The following MDN1 variants were observed in gnomAD, a reference collection of about 807,000 sequenced individuals.
The protein encoded by MDN1 is midasin AAA ATPase 1, also known as midasin.
Under a neutral mutation model 669.2 loss-of-function variants are expected in MDN1, and 266 were observed. That is an observed-to-expected ratio of 0.40 (90% CI 0.36 to 0.44). MDN1 has a LOEUF of 0.44. MDN1 is among the 20% of genes least tolerant of loss of function. The probability of loss-of-function intolerance (pLI) is 1.00; values close to 1 mark genes in which losing one functional copy is unlikely to be tolerated. For missense variants in MDN1, 5,940 were observed against 6,754.0 expected, an observed-to-expected ratio of 0.88 and a Z score of 4.22; for synonymous variants, 2,385 against 2,457.1, an observed-to-expected ratio of 0.97 and a Z score of 0.87.
At chr6:89,729,173 G>A (rs778303828) in intron 35 of MDN1, 34 bp from the exon 36 acceptor site, 9 of 1,552,178 alleles carry the variant, frequency 5.8e-6, no homozygotes, top group South Asian at 4.6e-5. Context: ...ATGTATAAGC[G>A]GGACATCATC....
chr6:89,790,461 A>G (rs1819200814), intron 5 of MDN1, 60 bp from the exon 6 acceptor site: 1 of 1,606,088 alleles, frequency 6.2e-7, no homozygotes. Flanking sequence ...AACCGAAGTT[A>G]ATTTCCACAG....
chr6:89,648,812 T>TC (rs1808654952), intron 97 of MDN1, among the ~76,000 whole-genome samples: 1 of 30,964 alleles, frequency 3.2e-5, no homozygotes, highest in African/African-American at 1.6e-4. Context: ...AACCCTGTCT[T>TC]CAAAAAAAAA....
chr6:89,690,121 T>G lies in MDN1; in HGVS notation c.10772A>C (p.Gln3591Pro). Residue 3591 changes from glutamine (Q) to proline (P), a missense_variant, in exon 65 of 102, where the codon CAG (glutamine) becomes CCG (proline). Physicochemically the swap from Gln to Pro is moderately conservative, Grantham distance 76 (BLOSUM62 -1). Coordinates refer to ENST00000369393, the MANE Select transcript of MDN1 (RefSeq NM_014611.3). ...HEKDFADILV[Q>P]PTLEENKGTS... ...TCCTTTGTTCTCCTCCAACGTTGGC[T>G]GCACCAAAATATCTGCAAAGTCCTA... The G allele has an allele frequency of 1.9e-6, 3 of 1,614,126 alleles. No individual in the cohort carries two copies. The highest frequency in any genetic ancestry group is 2.5e-6 in the Non-Finnish European group (3 of 1,180,012).
chr6:89,745,153 G>GGAAGGAGGAA, intron 29 of MDN1, 120 bp downstream of exon 29: 4 of 283,994 alleles, frequency 1.4e-5, no homozygotes, highest in East Asian at 1.1e-4. Context: ...AAAAAAAAAA[G>GGAAGGAGGAA]AAAAAAGAGG....
Position 89,701,618 on chromosome 6 carries a change from A to C in MDN1, c.8367T>G (p.Thr2789=). ...ACTTCTTTATACCAGCGAAGCCACCAGTCTGGCTCCCCAGACAATTCTGAA... is the reference window on the plus strand; with the variant it reads ...ACTTCTTTATACCAGCGAAGCCACCCGTCTGGCTCCCCAGACAATTCTGAA... ...EHIQNCLGSQ[T]GGFAGIKKLQ... is the part of the protein sequence containing the mutation. Residue 2789 remains threonine, a synonymous_variant, in exon 55 of 102, where the codon ACT becomes ACG. Transcript: ENST00000369393. The C allele has an allele frequency of 6.2e-7, 1 of 1,614,132 alleles. No homozygotes were observed. Among genetic ancestry groups the C allele is most frequent in the Non-Finnish European group, 8.5e-7 (1 of 1,179,958 alleles).
At chr6:89,681,752 T>G (rs1811627075) in intron 73 of MDN1, among the ~76,000 whole-genome samples, 1 of 152,182 alleles carries the variant, frequency 6.6e-6, no homozygotes, top group Non-Finnish European at 1.5e-5. Context: ...CTTAAGGACT[T>G]TCATTACTAA....
chr6:89,779,398 C>A (rs1196630364), intron 11 of MDN1, among the ~76,000 whole-genome samples: 1 of 152,144 alleles, frequency 6.6e-6, no homozygotes, highest in Non-Finnish European at 1.5e-5. Context: ...ATGCTCCCAT[C>A]ATAGATAATA....
Position 89,674,303 on chromosome 6 carries a change from C to T in MDN1, c.13048G>A (p.Asp4350Asn). Residue 4350 changes from aspartate (D) to asparagine (N), a missense_variant, in exon 79 of 102, where the codon GAC becomes AAC. Asp to Asn is a conservative substitution (Grantham distance 23). Coordinates refer to ENST00000369393, the MANE Select transcript of MDN1 (RefSeq NM_014611.3). ...TAGCTCAGATTGGAAGGAATTAGGT[C>T]CAGCACTACTCCACAAAGTTGTCCC... ...SKGQLCGVVL[D>N]LIPSNLSYPS... 1 of 1,614,220 alleles carries T rather than the reference C, an allele frequency of 6.2e-7. No homozygotes were observed.
At chr6:89,677,752 C>A in intron 75 of MDN1, 56 bp from the exon 76 acceptor site, 1 of 1,606,092 alleles carries the variant, frequency 6.2e-7, no homozygotes, top group Non-Finnish European at 8.5e-7. Context: ...AATGGATGTG[C>A]CCCCCTCTCC....
chr6:89,811,198 T>C (rs1307776149), intron 1 of MDN1, among the ~76,000 whole-genome samples: 1 of 152,164 alleles, frequency 6.6e-6, no homozygotes, highest in Non-Finnish European at 1.5e-5. Flanking sequence ...TAAAAAATTA[T>C]AAATGTTTTA....
intron 17 of MDN1, among the ~76,000 whole-genome samples, chr6:89,761,409 A>AC (rs1166468323): frequency 6.6e-6 from 1 of 152,164 alleles, no homozygotes; most frequent in South Asian, 2.1e-4. Flanking sequence ...ACCCTTTTGT[A>AC]CCCCATGAAT....
chr6:89,745,005 G>A (rs1353547004), intron 29 of MDN1, among the ~76,000 whole-genome samples: 1 of 148,340 alleles, frequency 6.7e-6, no homozygotes, highest in Non-Finnish European at 1.5e-5. Flanking sequence ...TGTGCAGAAT[G>A]TGCAGGCTTA....
At position 89,670,007 on chromosome 6, in the gene MDN1, G is replaced by C. The variant is rs186040590; in HGVS notation, c.13956+912C>G. Among the ~76,000 whole-genome samples the C allele has an allele frequency of 3.4e-3, 520 of 151,036 alleles. 11 individuals carry two copies. The highest frequency in any genetic ancestry group is 0.015 in the Admixed American group (224 of 15,168). On this transcript the variant is annotated intron_variant, in intron 83 of 101. Transcript: ENST00000369393. ...ATCACAAGGTCAGGAGATCGAGACC[G>C]TCCTGGCCAATGTGGTGAAACCCTG... is the stretch of plus-strand genomic sequence containing the variant.
Position 89,658,753 on chromosome 6 carries a change from C to G in MDN1, c.14878G>C (p.Gly4960Arg), listed in dbSNP as rs771194167. The part of the protein sequence containing the change: ...KAEGEEEMDT[G>R]ADDQDGDAAQ... ...GCATCTCCATCTTGGTCATCAGCTC[C>G]TGTGTCCATTTCCTCTTCCCCTTCT... Residue 4960 changes from glycine to arginine, a missense_variant, in exon 89 of 102, where the codon GGA (glycine) becomes CGA (arginine). By Grantham distance (125) the Gly-to-Arg change is moderately radical. Coordinates refer to ENST00000369393, the MANE Select transcript of MDN1 (RefSeq NM_014611.3). 2.0e-5 allele frequency: 32 copies of G among 1,614,042 alleles called. 1 individual carries two copies. Among genetic ancestry groups the G allele is most frequent in the Middle Eastern group, 3.3e-4 (2 of 6,084 alleles).
At chr6:89,797,691 G>T in intron 2 of MDN1, 2 of 467,614 alleles carry the variant, frequency 4.3e-6, no homozygotes, top group Non-Finnish European at 4.4e-6. Flanking sequence ...ACCAAAATCT[G>T]CCTTCAGTGG....
chr6:89,658,328 G>T lies in MDN1; in HGVS notation c.15064C>A (p.Pro5022Thr). 6.2e-7 allele frequency: 1 copy of T among 1,614,084 alleles called. No homozygotes were observed. Among genetic ancestry groups the T allele is most frequent in the South Asian group, 1.1e-5 (1 of 91,080 alleles). The change falls in exon 90 of 102, where the codon CCA (proline) becomes ACA (threonine). Residue 5022 changes from proline to threonine, a missense_variant. By Grantham distance (38) the Pro-to-Thr change is conservative (BLOSUM62 -1). Around this residue, in one of 5 missense-constraint regions of MDN1, gnomAD observed 2,280 missense variants for 2,576.3 expected, o/e 0.88. Transcript: ENST00000369393. ...REDSDTEEQV[P>T]EALERKEHAS... is the part of the protein sequence containing the mutation. ...TGCTCCTTCCTCTCCAAAGCCTCTGGCACCTGCTCCTCTGTATCAGAGTCC... is the reference window on the plus strand; with the variant it reads ...TGCTCCTTCCTCTCCAAAGCCTCTGTCACCTGCTCCTCTGTATCAGAGTCC...
intron 25 of MDN1, 52 bp downstream of exon 25, chr6:89,749,491 T>C (rs561161164): frequency 1.9e-6 from 3 of 1,598,030 alleles, no homozygotes; most frequent in Non-Finnish European, 2.6e-6. Context: ...CTACGAAAAA[T>C]CTACTATCTG....
intron 15 of MDN1, among the ~76,000 whole-genome samples, chr6:89,767,203 T>C (rs1429000220): frequency 6.6e-6 from 1 of 152,158 alleles, no homozygotes; most frequent in African/African-American, 2.4e-5. Context: ...ACAGGTAATG[T>C]GAGGGTCTAC....
At chr6:89,714,946 T>A (rs1814224248) in intron 45 of MDN1, among the ~76,000 whole-genome samples, 195 bp from the exon 46 acceptor site, 1 of 152,204 alleles carries the variant, frequency 6.6e-6, no homozygotes, top group South Asian at 2.1e-4. Context: ...AGGAACTGTG[T>A]ATGATATATC....
Sources: gnomAD v4.1 joint callset for allele counts (sites outside exome capture counted in the v4.1 genomes callset) on GRCh38, gnomAD v4.1.1 for gene constraint, gnomAD v4.1.1 regional missense constraint, MANE v1.5 for transcripts, NCBI Gene and HGNC (gene_info 2026-07-23, HGNC 2026-07-21) for gene names.